The following PARD3 variants were observed in gnomAD, a reference collection of about 807,000 sequenced individuals.
The protein encoded by PARD3 is par-3 family cell polarity regulator, also known as partitioning defective 3 homolog.
PARD3 carries 75 observed loss-of-function variants against 155.4 expected under a neutral mutation model. The observed-to-expected ratio is 0.48, with a 90% CI of 0.40 to 0.58. The LOEUF is 0.58. PARD3 is among the 20% of genes least tolerant of loss of function. The pLI is 0.00. For missense variants in PARD3, 1,642 were observed against 1,721.7 expected (o/e 0.95, Z 0.82); for synonymous variants, 576 against 610.5 (o/e 0.94, Z 0.83).
intron 22 of PARD3, among the ~76,000 whole-genome samples, chr10:34,244,971 T>A (rs558452192): frequency 6.6e-6 from 1 of 152,310 alleles, no homozygotes; most frequent in East Asian, 1.9e-4. Context: ...GACTGTTTTC[T>A]AGCAGCAGTG....
intron 5 of PARD3, among the ~76,000 whole-genome samples, chr10:34,410,192 C>A (rs916183881): frequency 6.6e-6 from 1 of 152,010 alleles, no homozygotes; most frequent in African/African-American, 2.4e-5. Flanking sequence ...TTCTATGGCA[C>A]AAAAGTTCAG....
intron 7 of PARD3, among the ~76,000 whole-genome samples, chr10:34,387,957 A>ATTC (rs1220305629): frequency 5.7e-4 from 87 of 152,318 alleles, no homozygotes; most frequent in African/African-American, 2.0e-3. Flanking sequence ...CAAATCATAA[A>ATTC]TACACCACAC....
intron 22 of PARD3, among the ~76,000 whole-genome samples, chr10:34,135,316 T>A (rs560068945): frequency 6.6e-6 from 1 of 152,320 alleles, no homozygotes; most frequent in East Asian, 1.9e-4. Flanking sequence ...TAATTTCACG[T>A]TCTAACTAAA....
At position 34,517,584 on chromosome 10, in the gene PARD3, A is replaced by G. The variant is rs548601882; in HGVS notation, c.223-425T>C. 3.9e-5 allele frequency among the ~76,000 whole-genome samples: 6 copies of G among 152,320 alleles called. No individual in the cohort carries two copies. The East Asian group carries it at 9.6e-4, about 24-fold the overall frequency. ...ACATAAAAAGGGGATATTAAAAACT[A>G]AACATGTATCTTCTCATTTGTGCAT... On this transcript the variant is annotated intron_variant, in intron 2 of 24. Coordinates refer to ENST00000374788, the MANE Select transcript of PARD3 (RefSeq NM_001184785.2).
rs535150030 is a variant in PARD3, at chr10:34,226,157, G to A, written c.3419+43500C>T. Among the ~76,000 whole-genome samples, 5 of 152,234 alleles carry A rather than the reference G, an allele frequency of 3.3e-5. No individual in the cohort carries two copies. The South Asian group carries it at 1.0e-3, about 32-fold the overall frequency. ...GTTTACCAAAAAAGAAAGAAAATAG[G>A]CTATTAATCAAACAAAAAGATGTTC... On this transcript the variant is annotated intron_variant, in intron 22 of 24. Transcript: ENST00000374788.
Position 34,432,041 on chromosome 10 carries a change from CAAAAAAAAAAAAAAAAA to C in PARD3, c.714+18259_714+18275del, listed in dbSNP as rs142848273. Among the ~76,000 whole-genome samples, 4 of 21,596 alleles carry C rather than the reference CAAAAAAAAAAAAAAAAA, an allele frequency of 1.9e-4. 1 individual carries two copies. Among genetic ancestry groups the C allele is most frequent in the East Asian group, 2.3e-3 (1 of 442 alleles). The allele number at this position is 21,596 out of a possible 152,430, so 14.2% of individuals were successfully genotyped here. On this transcript the variant is annotated intron_variant, in intron 5 of 24. Coordinates refer to ENST00000374788, the MANE Select transcript of PARD3 (RefSeq NM_001184785.2). The stretch of plus-strand genomic sequence containing the variant: ...TGGGCTACAGAGTGAGACTCTGTCT[CAAAAAAAAAAAAAAAAA>C]AAAAAAAAAAAAAGAATGCAGAGAA...
chr10:34,802,690 CT>C (rs966147694), intron 1 of PARD3, among the ~76,000 whole-genome samples: 7 of 151,342 alleles, frequency 4.6e-5, no homozygotes, highest in Non-Finnish European at 7.4e-5. Flanking sequence ...TCCTTGGTGA[CT>C]TTTTTTTTAA....
intron 5 of PARD3, among the ~76,000 whole-genome samples, chr10:34,423,620 A>C (rs1004760767): frequency 6.6e-6 from 1 of 152,192 alleles, no homozygotes; most frequent in Non-Finnish European, 1.5e-5. Context: ...GAAAAGGAAT[A>C]ATTCTTGTAA....
chr10:34,287,315 A>G (rs1428799318), intron 20 of PARD3, among the ~76,000 whole-genome samples: 1 of 152,180 alleles, frequency 6.6e-6, no homozygotes, highest in Non-Finnish European at 1.5e-5. Flanking sequence ...GTTTCTGTTC[A>G]TAAATCTTTC....
chr10:34,249,273 A>T (rs1460278425), intron 22 of PARD3, among the ~76,000 whole-genome samples: 3 of 152,108 alleles, frequency 2.0e-5, no homozygotes, highest in Non-Finnish European at 1.5e-5. Context: ...CAGCCTCCCA[A>T]AGTGCTGGGA....
At chr10:34,114,846 G>T (rs1185968386) in intron 24 of PARD3, among the ~76,000 whole-genome samples, 1 of 152,242 alleles carries the variant, frequency 6.6e-6, no homozygotes, top group African/African-American at 2.4e-5. Flanking sequence ...GGTAACAACA[G>T]CAACAAAATA....
At chr10:34,150,875 T>G (rs1564434805) in intron 22 of PARD3, among the ~76,000 whole-genome samples, 2 of 152,336 alleles carry the variant, frequency 1.3e-5, no homozygotes, top group South Asian at 4.1e-4. Flanking sequence ...AGTCCATCTC[T>G]AAGACTAACC....
intron 3 of PARD3, among the ~76,000 whole-genome samples, chr10:34,508,077 A>G (rs187787960): frequency 7.7e-4 from 118 of 152,310 alleles, no homozygotes; most frequent in African/African-American, 2.8e-3. Flanking sequence ...AAGAAAAAAA[A>G]TTAAGAAATC....
At chr10:34,284,063 AAAG>A in intron 21 of PARD3, 69 bp downstream of exon 21, 2 of 869,176 alleles carry the variant, frequency 2.3e-6, no homozygotes, top group Non-Finnish European at 3.7e-6. Context: ...TTACATTAAA[AAAG>A]AAGAAAGTAG....
intron 22 of PARD3, among the ~76,000 whole-genome samples, chr10:34,214,674 T>A (rs1009437446): frequency 2.0e-4 from 30 of 152,150 alleles, no homozygotes. Context: ...AAAAAATATA[T>A]TATTTTAAAG....
chr10:34,601,149 A>C (rs1337752539), intron 2 of PARD3, among the ~76,000 whole-genome samples: 1 of 151,570 alleles, frequency 6.6e-6, no homozygotes, highest in Non-Finnish European at 1.5e-5. Context: ...GGCCAGGCAC[A>C]GCGGCTCACC....
At chr10:34,666,957 C>T (rs577797655) in intron 2 of PARD3, among the ~76,000 whole-genome samples, 1 of 151,800 alleles carries the variant, frequency 6.6e-6, no homozygotes, top group Admixed American at 6.6e-5. Context: ...TCACCTGAGG[C>T]CAGAAGTTTG....
At chr10:34,176,579 G>A (rs984602167) in intron 22 of PARD3, among the ~76,000 whole-genome samples, 1 of 152,164 alleles carries the variant, frequency 6.6e-6, no homozygotes, top group African/African-American at 2.4e-5. Context: ...TGTCTCTGGG[G>A]CAGCTCCTGC....
Position 34,384,179 on chromosome 10 carries a change from A to G in PARD3, c.966T>C (p.Asp322=). ...AEHENLFREN[D]CIVRINDGDL... ...CGCCATCATTAATCCTGACAATGCA[A>G]TCATTCTCACGAAAAAGATTTTCAT... Residue 322 remains aspartate, a synonymous_variant, in exon 8 of 25, where the codon GAT becomes GAC. Transcript: ENST00000374788. 1.2e-6 allele frequency: 2 copies of G among 1,613,138 alleles called. No homozygotes were observed. Among genetic ancestry groups the G allele is most frequent in the Non-Finnish European group, 1.7e-6 (2 of 1,179,226 alleles).
Sources: allele counts gnomAD v4.1 joint callset (sites outside exome capture counted in the v4.1 genomes callset), GRCh38; gene constraint gnomAD v4.1.1; transcripts MANE v1.5; gene names NCBI Gene and HGNC (gene_info 2026-07-23, HGNC 2026-07-21).